Variants in MTMR8 observed in about 807,000 individuals in gnomAD.
MTMR8 encodes the protein myotubularin related protein 8.
MTMR8 carries 65 observed loss-of-function variants against 39.3 expected under a neutral mutation model. The observed-to-expected ratio is 1.65, with a 90% CI of 1.35 to 2.03. MTMR8 has a LOEUF of 2.03. Ranked by LOEUF, MTMR8 falls within the 30% of genes most tolerant of loss-of-function variation. The probability of loss-of-function intolerance (pLI) is 0.00; values close to 1 mark genes in which losing one functional copy is unlikely to be tolerated. For synonymous variants in MTMR8, 245 were observed against 185.2 expected (o/e 1.32, Z -2.62); for missense variants, 777 against 538.9 (o/e 1.44, Z -4.37).
intron 10 of MTMR8, among the ~76,000 whole-genome samples, chrX:64,332,957 T>C (rs1233815990): frequency 1.8e-5 from 2 of 111,332 alleles, no homozygotes; most frequent in Non-Finnish European, 3.8e-5. Flanking sequence ...ACATGCTAGA[T>C]TCCTGTTGGC....
chrX:64,393,378 C>T (rs1449349031), intron 1 of MTMR8, among the ~76,000 whole-genome samples: 3 of 111,833 alleles, frequency 2.7e-5, no homozygotes, highest in Non-Finnish European at 5.6e-5. Context: ...CATATGGGCC[C>T]GTTAATGGTT....
In MTMR8 at chrX:64,300,136, G is replaced by T. The variant is rs779182878; in HGVS notation, c.1481+28636C>A. 2.8e-5 allele frequency among the ~76,000 whole-genome samples: 3 copies of T among 105,289 alleles called. No homozygotes were observed. In the Admixed American group the frequency reaches 3.1e-4, roughly 11 times the overall value. 91.4% of individuals were successfully genotyped at this position (105,289 alleles called of 115,157 possible). ...CTGAGTTCAATTCCTGGGTATCCTTGTGGACTTTCTGTCTCATTGATCTGT... is the reference window on the plus strand; with the variant it reads ...CTGAGTTCAATTCCTGGGTATCCTTTTGGACTTTCTGTCTCATTGATCTGT... On this transcript the variant is annotated intron_variant, in intron 12 of 13. Transcript: ENST00000374852.
chrX:64,348,613 G>C, intron 6 of MTMR8, 47 bp downstream of exon 6: 1 of 1,195,797 alleles, frequency 8.4e-7, no homozygotes, highest in Non-Finnish European at 1.1e-6. Context: ...TGAGGAGGTA[G>C]AATGCAAGAG....
Position 64,374,205 on chromosome X carries a change from A to G in MTMR8, c.25-14678T>C, listed in dbSNP as rs145141703. Among the ~76,000 whole-genome samples the G allele has an allele frequency of 1.1e-4, 12 of 111,940 alleles. No individual in the cohort carries two copies. In the East Asian group the frequency reaches 3.4e-3, roughly 32 times the overall value. ...CATAACAAAAGACATCCTGTGGTAA[A>G]TGCCAAAACAGGTGCATGAGCAGAG... On this transcript the variant is annotated intron_variant, in intron 1 of 13. Transcript: ENST00000374852.
intron 12 of MTMR8, among the ~76,000 whole-genome samples, chrX:64,280,546 C>A (rs1931983233): frequency 9.0e-6 from 1 of 111,477 alleles, no homozygotes; most frequent in Non-Finnish European, 1.9e-5. Flanking sequence ...CAGAACATAT[C>A]TCAAAATAAT....
At chrX:64,315,943 T>C (rs1174672593) in intron 12 of MTMR8, among the ~76,000 whole-genome samples, 1 of 111,563 alleles carries the variant, frequency 9.0e-6, no homozygotes, top group Non-Finnish European at 1.9e-5. Flanking sequence ...ACATACTCTC[T>C]CTGTGTGTCC....
At chrX:64,370,170 G>A (rs1377149207) in intron 1 of MTMR8, among the ~76,000 whole-genome samples, 1 of 110,585 alleles carries the variant, frequency 9.0e-6, no homozygotes, top group African/African-American at 3.3e-5. Flanking sequence ...ATACACCTGA[G>A]GTTAGAAAAA....
intron 1 of MTMR8, among the ~76,000 whole-genome samples, chrX:64,362,471 GAAAAAAAAAAAAAA>G (rs760545171): frequency 0.018 from 100 of 5,498 alleles, 1 homozygote; most frequent in Middle Eastern, 0.25. Flanking sequence ...TACTATTGCA[GAAAAAAAAAAAAAA>G]AAAAAAAAAA....
chrX:64,390,411 C>T (rs964390905), intron 1 of MTMR8, among the ~76,000 whole-genome samples: 6 of 111,711 alleles, frequency 5.4e-5, no homozygotes, highest in African/African-American at 1.6e-4. Context: ...TTTTGGATGT[C>T]GTTTCTGTGA....
chrX:64,317,869 C>A (rs1922515130), intron 12 of MTMR8, among the ~76,000 whole-genome samples: 1 of 112,486 alleles, frequency 8.9e-6, no homozygotes, highest in South Asian at 3.7e-4. Flanking sequence ...TTAGTTTCCA[C>A]TGACACTTGA....
chrX:64,275,946 G>C (rs1257633960), intron 12 of MTMR8, among the ~76,000 whole-genome samples: 2 of 111,541 alleles, frequency 1.8e-5, no homozygotes, highest in African/African-American at 6.5e-5. Context: ...ATTAAGTAGA[G>C]AAATTGAATC....
intron 4 of MTMR8, among the ~76,000 whole-genome samples, chrX:64,352,658 G>A (rs759591065): frequency 6.3e-5 from 7 of 111,545 alleles, no homozygotes; most frequent in Admixed American, 9.5e-5. Flanking sequence ...GCCAAAACCA[G>A]GAAAGCTGGG....
intron 12 of MTMR8, among the ~76,000 whole-genome samples, chrX:64,284,262 G>T (rs556860282): frequency 4.4e-4 from 49 of 111,823 alleles, no homozygotes; most frequent in Non-Finnish European, 7.9e-4. Flanking sequence ...AGTGAGAAGA[G>T]AAGTTTAGAG....
At chrX:64,298,599 G>C (rs1921719384) in intron 12 of MTMR8, among the ~76,000 whole-genome samples, 1 of 93,650 alleles carries the variant, frequency 1.1e-5, no homozygotes, top group East Asian at 2.9e-4. Flanking sequence ...GCCCTGGCCA[G>C]AACTTCCAAC....
chrX:64,323,360 A>G (rs1365201025), intron 12 of MTMR8, among the ~76,000 whole-genome samples: 1 of 112,334 alleles, frequency 8.9e-6, no homozygotes, highest in Admixed American at 9.4e-5. Context: ...CATTTCCACA[A>G]GATGATACGA....
chrX:64,374,130 G>T (rs1924199498), intron 1 of MTMR8, among the ~76,000 whole-genome samples: 1 of 111,506 alleles, frequency 9.0e-6, no homozygotes, highest in East Asian at 2.8e-4. Context: ...TAAACTCCCA[G>T]GAGTTTATAA....
At chrX:64,308,956 T>C (rs183667037) in intron 12 of MTMR8, among the ~76,000 whole-genome samples, 35 of 112,276 alleles carry the variant, frequency 3.1e-4, no homozygotes, top group Admixed American at 3.0e-3. Flanking sequence ...GTTCCATTGA[T>C]CTATTTGTAC....
At chrX:64,379,830 CT>C (rs1203120585) in intron 1 of MTMR8, among the ~76,000 whole-genome samples, 1 of 111,534 alleles carries the variant, frequency 9.0e-6, no homozygotes, top group Non-Finnish European at 1.9e-5. Context: ...TAATTATACA[CT>C]ACAACCAAGT....
At chrX:64,347,015 A>G (rs1923363521) in intron 6 of MTMR8, among the ~76,000 whole-genome samples, 2 of 111,332 alleles carry the variant, frequency 1.8e-5, no homozygotes, top group African/African-American at 6.5e-5. Flanking sequence ...TATTATCCCC[A>G]TAAGAAAACA....
Sources: gnomAD v4.1 joint callset for allele counts (sites outside exome capture counted in the v4.1 genomes callset) on GRCh38, gnomAD v4.1.1 for gene constraint, MANE v1.5 for transcripts, NCBI Gene and HGNC (gene_info 2026-07-23, HGNC 2026-07-21) for gene names.